Variants in MBNL1 observed in about 807,000 individuals in gnomAD.
The protein encoded by MBNL1 is muscleblind-like protein 1.
In MBNL1, 8 loss-of-function variants were observed where a neutral mutation model predicts 42.2. That is an observed-to-expected ratio of 0.19 (90% CI 0.11 to 0.34). The LOEUF (loss-of-function observed/expected upper bound fraction) is 0.34. Ranked by LOEUF, MBNL1 falls within the 10% of genes least tolerant of loss-of-function variation. MBNL1 has a pLI of 1.00. For missense variants in MBNL1, 309 were observed against 495.3 expected (o/e 0.62, Z 3.57); for synonymous variants, 169 against 173.9 (o/e 0.97, Z 0.22).
chr3:152,320,044 A>G (rs1201005457), intron 2 of MBNL1, among the ~76,000 whole-genome samples: 1 of 152,100 alleles, frequency 6.6e-6, no homozygotes, highest in East Asian at 1.9e-4. Flanking sequence ...AACCCCCACT[A>G]GTTTATAAAC....
At chr3:152,256,650 T>A (rs1164668230) in intron 2 of MBNL1, among the ~76,000 whole-genome samples, 1 of 152,190 alleles carries the variant, frequency 6.6e-6, no homozygotes, top group Non-Finnish European at 1.5e-5. Context: ...AGTTGGACAC[T>A]GCTTCCTTTA....
Position 152,340,410 on chromosome 3 carries a change from C to G in MBNL1, c.174+40043C>G, listed in dbSNP as rs1241496321. The G allele has an allele frequency of 4.1e-6, 5 of 1,217,106 alleles. No homozygotes were observed. The Admixed American group carries it at 9.3e-5, about 23-fold the overall frequency. The allele number at this position is 1,217,106 out of a possible 1,614,324, so 75.4% of individuals were successfully genotyped here. On this transcript the variant is annotated intron_variant, in intron 2 of 9. Transcript: ENST00000324210. Reference sequence around the variant, plus strand: ...CTCTGTAAGATTGTAATGACAATGACTGAGTTTTTTCCTGCCAAGTTCAGT... The same window carrying G: ...CTCTGTAAGATTGTAATGACAATGAGTGAGTTTTTTCCTGCCAAGTTCAGT...
Position 152,462,860 on chromosome 3 carries a change from G to T in MBNL1, c.*494G>T, listed in dbSNP as rs747597203. On this transcript the variant is annotated 3_prime_UTR_variant, in exon 10 of 10. Transcript: ENST00000324210. ...TAAAATTGCCATTATAGATGAGAGC[G>T]TGCATGCACAGTCATTTTTGTTTAA... 1 of 152,414 alleles carries T rather than the reference G, an allele frequency of 6.6e-6. No homozygotes were observed. The highest frequency in any genetic ancestry group is 6.6e-5 in the Admixed American group (1 of 15,264). 9.4% of individuals were successfully genotyped at this position (152,414 alleles called of 1,614,324 possible).
chr3:152,453,462 A>G (rs1727602126), intron 6 of MBNL1, among the ~76,000 whole-genome samples: 1 of 152,212 alleles, frequency 6.6e-6, no homozygotes, highest in Admixed American at 6.5e-5. Flanking sequence ...GAAATTGGAA[A>G]TTGACAAATA....
At chr3:152,286,929 G>A (rs1354588278) in intron 1 of MBNL1, among the ~76,000 whole-genome samples, 2 of 152,096 alleles carry the variant, frequency 1.3e-5, no homozygotes, top group East Asian at 3.8e-4. Context: ...ATTAATAGTT[G>A]TATATGGTGG....
intron 2 of MBNL1, among the ~76,000 whole-genome samples, chr3:152,374,513 A>G (rs530885534): frequency 1.3e-5 from 2 of 152,214 alleles, no homozygotes; most frequent in African/African-American, 4.8e-5. Context: ...AAACCCATAG[A>G]GTTGACAGAT....
At chr3:152,378,154 T>C (rs779256714) in intron 2 of MBNL1, among the ~76,000 whole-genome samples, 1 of 151,940 alleles carries the variant, frequency 6.6e-6, no homozygotes, top group Admixed American at 6.6e-5. Context: ...CTGGGCAACA[T>C]AGCAAGACCT....
At chr3:152,301,001 A>C in intron 2 of MBNL1, 1 of 676,832 alleles carries the variant, frequency 1.5e-6, no homozygotes, top group Non-Finnish European at 1.8e-6. Context: ...GTAGAAACTC[A>C]TAAGTACTAT....
intron 1 of MBNL1, among the ~76,000 whole-genome samples, chr3:152,288,239 G>A (rs887864220): frequency 4.6e-5 from 7 of 152,176 alleles, no homozygotes; most frequent in Admixed American, 2.0e-4. Context: ...AGGGCGGAAT[G>A]TTTTTATTTT....
Position 152,296,929 on chromosome 3 carries a change from A to G in MBNL1, c.-789-2476A>G, listed in dbSNP as rs575345156. On this transcript the variant is annotated intron_variant, in intron 1 of 9. Coordinates refer to ENST00000324210, the MANE Select transcript of MBNL1 (RefSeq NM_021038.5). The stretch of plus-strand genomic sequence containing the variant: ...TTCTGTCCTTAAAAACATATGGTCT[A>G]GTGGGTCAGATATATAAGGAAATAA... 5.9e-5 allele frequency among the ~76,000 whole-genome samples: 9 copies of G among 152,308 alleles called. No individual in the cohort carries two copies. The East Asian group carries it at 1.7e-3, about 29-fold the overall frequency.
chr3:152,274,988 A>C (rs1490022477), intron 1 of MBNL1, among the ~76,000 whole-genome samples: 2 of 152,226 alleles, frequency 1.3e-5, no homozygotes, highest in Non-Finnish European at 2.9e-5. Flanking sequence ...AACTTGTCTC[A>C]GTATTAGAAT....
intron 2 of MBNL1, among the ~76,000 whole-genome samples, chr3:152,406,700 G>A (rs943500366): frequency 1.3e-5 from 2 of 152,114 alleles, no homozygotes; most frequent in African/African-American, 2.4e-5. Flanking sequence ...TGTTGATATT[G>A]CGTCAATAGT....
At chr3:152,300,607 T>C (rs1393749729) in intron 2 of MBNL1, among the ~76,000 whole-genome samples, 1 of 152,184 alleles carries the variant, frequency 6.6e-6, no homozygotes, top group African/African-American at 2.4e-5. Context: ...GGGCAGAAAG[T>C]GTTGACATAT....
chr3:152,278,539 AT>A (rs1364261645), intron 1 of MBNL1, among the ~76,000 whole-genome samples: 1 of 152,160 alleles, frequency 6.6e-6, no homozygotes, highest in Non-Finnish European at 1.5e-5. Flanking sequence ...GGGGGACCAC[AT>A]TTGCTGAAAA....
At chr3:152,337,625 CAAAA>C (rs1255178970) in intron 2 of MBNL1, among the ~76,000 whole-genome samples, 1 of 75,766 alleles carries the variant, frequency 1.3e-5, no homozygotes, top group Admixed American at 1.5e-4. Context: ...GATTCCATCT[CAAAA>C]AAAAAAAAAA....
At chr3:152,311,001 C>CT (rs71144111) in intron 2 of MBNL1, among the ~76,000 whole-genome samples, 2,346 of 77,582 alleles carry the variant, frequency 0.03, 139 homozygotes, top group Middle Eastern at 0.036. Flanking sequence ...AACCATGAGA[C>CT]TTTTTTTTTT....
At chr3:152,452,259 C>T (rs566219868) in intron 6 of MBNL1, among the ~76,000 whole-genome samples, 17 of 152,294 alleles carry the variant, frequency 1.1e-4, no homozygotes, top group African/African-American at 3.6e-4. Flanking sequence ...CATGAAATTA[C>T]GGCGTGTAAG....
intron 3 of MBNL1, among the ~76,000 whole-genome samples, chr3:152,426,584 C>A (rs2098935250): frequency 6.6e-6 from 1 of 152,186 alleles, no homozygotes; most frequent in African/African-American, 2.4e-5. Context: ...AGGCTCTCTT[C>A]ATTGCCCTCA....
At chr3:152,385,071 A>T (rs1440874509) in intron 2 of MBNL1, among the ~76,000 whole-genome samples, 6 of 152,138 alleles carry the variant, frequency 3.9e-5, no homozygotes, top group Admixed American at 6.6e-5. Flanking sequence ...AATCTCAGGA[A>T]AAGAACCCTT....
Sources: allele counts gnomAD v4.1 joint callset (sites outside exome capture counted in the v4.1 genomes callset), GRCh38; gene constraint gnomAD v4.1.1; transcripts MANE v1.5; gene names NCBI Gene and HGNC (gene_info 2026-07-23, HGNC 2026-07-21).